Variants in PIGH observed in about 807,000 individuals in gnomAD.
PIGH encodes phosphatidylinositol glycan anchor biosynthesis class H, also known as phosphatidylinositol N-acetylglucosaminyltransferase subunit H.
PIGH carries 11 observed loss-of-function variants against 20.1 expected under a neutral mutation model. The observed-to-expected ratio is 0.55, with a 90% CI of 0.34 to 0.91. PIGH has a LOEUF of 0.91. Ranked by LOEUF, PIGH falls within the 40% of genes least tolerant of loss-of-function variation. The pLI, the probability that PIGH is intolerant of heterozygous loss-of-function variation, is 0.02. For synonymous variants in PIGH, 72 were observed against 93.1 expected (o/e 0.77, Z 1.31); for missense variants, 189 against 233.6 (o/e 0.81, Z 1.24).
chr14:67,592,635 C>A lies in PIGH; in HGVS notation c.474G>T (p.Gln158His). 1 of 1,578,388 alleles carries A rather than the reference C, an allele frequency of 6.3e-7. No individual in the cohort carries two copies. Among genetic ancestry groups the A allele is most frequent in the Non-Finnish European group, 8.7e-7 (1 of 1,149,320 alleles). ...AATGGTAAAAGTATTCTATGCTCACCTGGAAGACGGGTACTACTTGGGATA... is the reference window on the plus strand; with the variant it reads ...AATGGTAAAAGTATTCTATGCTCACATGGAAGACGGGTACTACTTGGGATA... ...HGISQVVPVF[Q>H]SAKPRLDCLI... The change falls in exon 3 of 4, where the codon CAG (glutamine) becomes CAT (histidine). Residue 158 changes from glutamine (Q) to histidine (H), a missense_variant and splice_region_variant. By Grantham distance (24) the Gln-to-His change is conservative. Transcript: ENST00000216452.
At chr14:67,592,180 A>C (rs2036382760) in intron 3 of PIGH, 1 of 221,758 alleles carries the variant, frequency 4.5e-6, no homozygotes, top group East Asian at 1.5e-4. Context: ...CATGCTTGTA[A>C]TCCCAACACT....
rs1433928801 is a variant in PIGH at position 67,590,097 on chromosome 14, T to C, written c.550A>G (p.Thr184Ala). 6.4e-7 allele frequency: 1 copy of C among 1,550,946 alleles called. No individual in the cohort carries two copies. Among genetic ancestry groups the C allele is most frequent in the Non-Finnish European group, 8.7e-7 (1 of 1,146,852 alleles). The stretch of plus-strand genomic sequence containing the variant: ...GCTGGGGCTCATGGGCTTGTTGATG[T>C]GGCTTTCTGGTGTGCCAGGATCTCC... Reference protein sequence around the residue: ...CQEILAHQKATSTSP With the variant: ...CQEILAHQKAASTSP Residue 184 changes from threonine to alanine, a missense_variant, in exon 4 of 4, where the codon ACA becomes GCA. Thr to Ala is a moderately conservative substitution (Grantham distance 58). Coordinates refer to ENST00000216452, the MANE Select transcript of PIGH (RefSeq NM_004569.5).
At chr14:67,595,913 T>G (rs2145468) in intron 1 of PIGH, among the ~76,000 whole-genome samples, 151,774 of 152,318 alleles carry the variant, frequency 1, 75,617 homozygotes, top group Middle Eastern at 1. Flanking sequence ...CTTGTTAATA[T>G]AAAAGGTCCT....
intron 1 of PIGH, among the ~76,000 whole-genome samples, chr14:67,598,304 G>A (rs568963668): frequency 2.0e-5 from 3 of 152,212 alleles, no homozygotes; most frequent in East Asian, 1.9e-4. Context: ...AGAGTACACC[G>A]GCATGAGAGA....
intron 1 of PIGH, among the ~76,000 whole-genome samples, chr14:67,595,325 G>A (rs74909733): frequency 0.015 from 2,299 of 152,246 alleles, 68 homozygotes; most frequent in African/African-American, 0.052. Flanking sequence ...TTGAAGTACC[G>A]TTCCTACTGA....
intron 1 of PIGH, among the ~76,000 whole-genome samples, chr14:67,595,897 T>C (rs942874454): frequency 7.2e-5 from 11 of 152,210 alleles, no homozygotes; most frequent in African/African-American, 2.7e-4. Flanking sequence ...TCCTACCTTA[T>C]GACTTCTTGT....
chr14:67,600,160 A>G lies in PIGH; in HGVS notation c.44T>C (p.Leu15Pro), dbSNP rs1566782736. ...GGAGTAGTAGCGGCGCTGCAGCGCC[A>G]GGCGGCCGCCGCAGATATCCGAAAA... ...RSFSDICGGR[L>P]ALQRRYYSPS... The change falls in exon 1 of 4, where the codon CTG becomes CCG. Residue 15 changes from leucine (L) to proline (P), a missense_variant. Leu to Pro is a moderately conservative substitution (Grantham distance 98). Coordinates refer to ENST00000216452, the MANE Select transcript of PIGH (RefSeq NM_004569.5). The G allele has an allele frequency of 6.3e-7, 1 of 1,589,692 alleles. No individual in the cohort carries two copies. Among genetic ancestry groups the G allele is most frequent in the Non-Finnish European group, 8.6e-7 (1 of 1,169,118 alleles).
At position 67,589,956 on chromosome 14, in the gene PIGH, C is replaced by T. The variant is rs1594805099; in HGVS notation, c.*124G>A. On this transcript the variant is annotated 3_prime_UTR_variant, in exon 4 of 4. Transcript: ENST00000216452. ...TCACCTGCTCTATGGCTCTAAGATG[C>T]ACTACATCCATAATGGTTCCTAGGA... 6 of 1,364,568 alleles carry T rather than the reference C, an allele frequency of 4.4e-6. No individual in the cohort carries two copies. In the East Asian group the frequency reaches 1.1e-4, roughly 25 times the overall value. The allele number at this position is 1,364,568 out of a possible 1,614,324, so 84.5% of individuals were successfully genotyped here.
chr14:67,593,187 T>C, intron 2 of PIGH: 1 of 162,618 alleles, frequency 6.1e-6, no homozygotes, highest in Non-Finnish European at 1.3e-5. Flanking sequence ...ATATTCTCAT[T>C]CTTTAAATGA....
intron 1 of PIGH, among the ~76,000 whole-genome samples, chr14:67,594,608 G>A (rs949736015): frequency 6.6e-6 from 1 of 151,214 alleles, no homozygotes; most frequent in African/African-American, 2.4e-5. Context: ...AGCCGAGATC[G>A]CACCACTGCA....
rs1286334549 is a variant in PIGH, at chr14:67,590,083, T to C, written c.564A>G (p.Pro188=). ...CTGGCCTTCTGAACGCTGGGGCTCA[T>C]GGGCTTGTTGATGTGGCTTTCTGGT... The part of the protein sequence containing the change: ...LAHQKATSTS[P] Residue 188 remains proline, a synonymous_variant, in exon 4 of 4, where the codon CCA becomes CCG. Transcript: ENST00000216452. The C allele has an allele frequency of 6.5e-7, 1 of 1,550,212 alleles. No individual in the cohort carries two copies. Among genetic ancestry groups the C allele is most frequent in the East Asian group, 2.4e-5 (1 of 40,920 alleles).
intron 3 of PIGH, 87 bp from the exon 4 acceptor site, chr14:67,590,259 T>G (rs1356915227): frequency 4.3e-6 from 5 of 1,173,438 alleles, no homozygotes; most frequent in Non-Finnish European, 4.6e-6. Flanking sequence ...ATTTTTTTTT[T>G]TTTTTTTTTT....
chr14:67,595,300 A>C (rs1233382336), intron 1 of PIGH, among the ~76,000 whole-genome samples: 1 of 152,100 alleles, frequency 6.6e-6, no homozygotes, highest in Non-Finnish European at 1.5e-5. Context: ...TGGGTACTTG[A>C]AGTACCGTTC....
In PIGH at chr14:67,592,758, C is replaced by T. The variant is rs200480863; in HGVS notation, c.391-40G>A. The T allele has an allele frequency of 7.7e-6, 9 of 1,174,294 alleles. No homozygotes were observed. In the African/African-American group the frequency reaches 1.4e-4, roughly 18 times the overall value. 72.7% of individuals were successfully genotyped at this position (1,174,294 alleles called of 1,614,324 possible). A position where few individuals can be genotyped will look rare whatever the true frequency, so the allele number is the denominator to read the frequency against. On this transcript the variant is annotated intron_variant, in intron 2 of 3. Transcript: ENST00000216452. ...ATCAAATAGCAAAGTCTAAGTGAAA[C>T]TCATTTTGCATTCTTTTTTTCTTTT...
chr14:67,595,810 T>C (rs1356078460), intron 1 of PIGH, among the ~76,000 whole-genome samples: 1 of 152,038 alleles, frequency 6.6e-6, no homozygotes, highest in African/African-American at 2.4e-5. Context: ...GGAGGACAAG[T>C]AGGGCACACT....
chr14:67,598,160 A>G (rs1334870266), intron 1 of PIGH, among the ~76,000 whole-genome samples: 1 of 152,184 alleles, frequency 6.6e-6, no homozygotes, highest in African/African-American at 2.4e-5. Flanking sequence ...CATTCCAGAT[A>G]TTCATTACTC....
rs1367217838 is a variant in PIGH, at chr14:67,600,194, C to T, written c.10G>A (p.Glu4Lys). ...CCGCAGATATCCGAAAAGCTCCGCT[C>T]ATCCTCCATGACGCCCCCACTCGGC... is the stretch of plus-strand genomic sequence containing the variant. Reference protein sequence around the residue: MEDERSFSDICGGR... With the variant: MEDKRSFSDICGGR... The change falls in exon 1 of 4, where the codon GAG (glutamate) becomes AAG (lysine). Residue 4 changes from glutamate to lysine, a missense_variant. Physicochemically the swap from Glu to Lys is moderately conservative, Grantham distance 56. Coordinates refer to ENST00000216452, the MANE Select transcript of PIGH (RefSeq NM_004569.5). 6.3e-7 allele frequency: 1 copy of T among 1,578,806 alleles called. No individual in the cohort carries two copies. The highest frequency in any genetic ancestry group is 8.6e-7 in the Non-Finnish European group (1 of 1,163,046).
chr14:67,594,051 T>G lies in PIGH; in HGVS notation c.181-99A>C. Reference sequence around the variant, plus strand: ...TGCATGGAGGAAAAGGAAATTGCTTTTATTTGGGTTCTAAGGTGCTATGAA... The same window carrying G: ...TGCATGGAGGAAAAGGAAATTGCTTGTATTTGGGTTCTAAGGTGCTATGAA... On this transcript the variant is annotated intron_variant, in intron 1 of 3. Coordinates refer to ENST00000216452, the MANE Select transcript of PIGH (RefSeq NM_004569.5). 9.3e-6 allele frequency: 7 copies of G among 755,552 alleles called. No homozygotes were observed. The South Asian group carries it at 1.2e-4, about 13-fold the overall frequency. 46.8% of individuals were successfully genotyped at this position (755,552 alleles called of 1,614,324 possible). A position where few individuals can be genotyped will look rare whatever the true frequency, so the allele number is the denominator to read the frequency against.
At chr14:67,594,295 G>A (rs2036429925) in intron 1 of PIGH, among the ~76,000 whole-genome samples, 1 of 151,910 alleles carries the variant, frequency 6.6e-6, no homozygotes, top group South Asian at 2.1e-4. Flanking sequence ...GCTGCAGTGA[G>A]CTATGATCAT....
Sources: allele counts gnomAD v4.1 joint callset (sites outside exome capture counted in the v4.1 genomes callset), GRCh38; gene constraint gnomAD v4.1.1; transcripts MANE v1.5; gene names NCBI Gene and HGNC (gene_info 2026-07-23, HGNC 2026-07-21).